RPS6KA2: variants seen among roughly 807,000 people sequenced by gnomAD.
The protein encoded by RPS6KA2 is ribosomal protein S6 kinase A2.
RPS6KA2 carries 42 observed loss-of-function variants against 91.8 expected under a neutral mutation model. The ratio of observed to expected loss-of-function variants is 0.46; its 90% CI spans 0.36 to 0.59. RPS6KA2 has a LOEUF of 0.59. Ranked by LOEUF, RPS6KA2 falls within the 20% of genes least tolerant of loss-of-function variation. The pLI, the probability that RPS6KA2 is intolerant of heterozygous loss-of-function variation, is 0.00. For synonymous variants in RPS6KA2, 414 were observed against 393.6 expected (o/e 1.05, Z -0.61); for missense variants, 798 against 978.5 (o/e 0.82, Z 2.46).
At chr6:166,717,981 T>C (rs1790061023) in intron 2 of RPS6KA2, among the ~76,000 whole-genome samples, 1 of 152,122 alleles carries the variant, frequency 6.6e-6, no homozygotes, top group Non-Finnish European at 1.5e-5. Flanking sequence ...CCCACGTAGC[T>C]GGGATTACAG....
chr6:166,695,732 A>C (rs1291797965), intron 2 of RPS6KA2, among the ~76,000 whole-genome samples: 2 of 151,976 alleles, frequency 1.3e-5, no homozygotes, highest in Non-Finnish European at 2.9e-5. Context: ...GGATTCTCAC[A>C]GGAGCACTGG....
At chr6:166,474,894 G>C (rs1047635386) in intron 10 of RPS6KA2, among the ~76,000 whole-genome samples, 1 of 152,224 alleles carries the variant, frequency 6.6e-6, no homozygotes, top group African/African-American at 2.4e-5. Flanking sequence ...ATGTCCTGCT[G>C]AGCCTGTTCC....
At chr6:166,509,812 G>A (rs1449104029) in intron 4 of RPS6KA2, among the ~76,000 whole-genome samples, 2 of 152,188 alleles carry the variant, frequency 1.3e-5, no homozygotes, top group East Asian at 3.8e-4. Context: ...CTCAGAACAT[G>A]AAAATAATAA....
chr6:166,527,110 C>A (rs1435452883), intron 3 of RPS6KA2, among the ~76,000 whole-genome samples: 6 of 152,180 alleles, frequency 3.9e-5, no homozygotes, highest in African/African-American at 1.4e-4. Context: ...CCAAGGTCAG[C>A]CCTGAGGGAG....
intron 2 of RPS6KA2, among the ~76,000 whole-genome samples, chr6:166,707,736 T>TTCTC (rs907156101): frequency 5.9e-5 from 9 of 151,452 alleles, no homozygotes; most frequent in Non-Finnish European, 1.3e-4. Context: ...CTTTCTTTCT[T>TTCTC]TCTCTCTCTC....
chr6:166,666,524 G>C lies in RPS6KA2; in HGVS notation c.124-127740C>G, dbSNP rs1034370619. Among the ~76,000 whole-genome samples, 8 of 152,178 alleles carry C rather than the reference G, an allele frequency of 5.3e-5. No homozygotes were observed. The highest frequency in any genetic ancestry group is 2.0e-4 in the Admixed American group (3 of 15,286). ...GCTCAACGCCAGTCACTAATCCTTA[G>C]GGAAATGCAAATCAACACCACAAGC... On this transcript the variant is annotated intron_variant, in intron 2 of 21. Coordinates refer to the RPS6KA2 transcript ENST00000503859. This position sits in a 1 kb window ranked among gnomAD's most constrained non-coding sequence, Gnocchi z 4.0.
At chr6:166,605,552 C>CA (rs1450743197) in intron 1 of RPS6KA2, among the ~76,000 whole-genome samples, 1 of 152,090 alleles carries the variant, frequency 6.6e-6, no homozygotes, top group Non-Finnish European at 1.5e-5. Context: ...CGTAAAATGC[C>CA]ATGTGACATT....
intron 2 of RPS6KA2, among the ~76,000 whole-genome samples, chr6:166,693,325 A>G (rs1018864294): frequency 6.6e-6 from 1 of 152,256 alleles, no homozygotes; most frequent in Non-Finnish European, 1.5e-5. Context: ...AACACGCGGA[A>G]GTGATTCTTG....
intron 2 of RPS6KA2, among the ~76,000 whole-genome samples, chr6:166,850,622 C>T (rs1248112585): frequency 1.3e-5 from 2 of 152,122 alleles, no homozygotes; most frequent in Non-Finnish European, 2.9e-5. Context: ...ACGCAGGTCC[C>T]GTGAGTTCCA....
chr6:166,562,946 AAGGACAGGCGCCCCGGC>A (rs1434317295), intron 1 of RPS6KA2, among the ~76,000 whole-genome samples: 1 of 152,236 alleles, frequency 6.6e-6, no homozygotes, highest in African/African-American at 2.4e-5. Flanking sequence ...GCAGGGGTAC[AAGGACAGGCGCCCCGGC>A]GGGACAGACT....
At chr6:166,636,238 TG>T (rs1450826119) in intron 2 of RPS6KA2, among the ~76,000 whole-genome samples, 5 of 151,346 alleles carry the variant, frequency 3.3e-5, no homozygotes, top group African/African-American at 1.2e-4. Flanking sequence ...CCTGGGCCCC[TG>T]TTCCAGCTCG....
intron 1 of RPS6KA2, among the ~76,000 whole-genome samples, chr6:166,555,257 G>A (rs867113875): frequency 2.0e-5 from 3 of 152,176 alleles, no homozygotes; most frequent in East Asian, 1.9e-4. Flanking sequence ...TCATCAGGCC[G>A]CACTCTGGCC....
chr6:166,810,126 C>T (rs1779592122), intron 2 of RPS6KA2, among the ~76,000 whole-genome samples: 1 of 152,162 alleles, frequency 6.6e-6, no homozygotes, highest in South Asian at 2.1e-4. Context: ...ATGCCAGATG[C>T]TTCTGAAAAC....
At chr6:166,691,001 T>C (rs1206971243) in intron 2 of RPS6KA2, among the ~76,000 whole-genome samples, 2 of 152,346 alleles carry the variant, frequency 1.3e-5, no homozygotes, top group African/African-American at 2.4e-5. Context: ...AACAGCATAA[T>C]AATCAACAGC....
intron 2 of RPS6KA2, among the ~76,000 whole-genome samples, chr6:166,750,630 AC>A (rs1479636312): frequency 6.6e-6 from 1 of 152,126 alleles, no homozygotes; most frequent in Non-Finnish European, 1.5e-5. Flanking sequence ...CGCAGGTGCC[AC>A]CCGAGCCCGA....
chr6:166,681,870 C>G (rs1484891958), intron 2 of RPS6KA2, among the ~76,000 whole-genome samples: 4 of 152,126 alleles, frequency 2.6e-5, no homozygotes, highest in Non-Finnish European at 5.9e-5. Flanking sequence ...AATGCCTTGT[C>G]CACCAGCAGC....
chr6:166,765,683 T>C (rs150006165), intron 2 of RPS6KA2, among the ~76,000 whole-genome samples: 2,049 of 152,246 alleles, frequency 0.013, 36 homozygotes, highest in Admixed American at 0.046. Context: ...AAGAAGAGAA[T>C]TCAAAGAGCA....
chr6:166,833,552 A>T (rs1780239415), intron 2 of RPS6KA2, among the ~76,000 whole-genome samples: 1 of 152,164 alleles, frequency 6.6e-6, no homozygotes, highest in Non-Finnish European at 1.5e-5. Context: ...TCCCTTTGTC[A>T]GTTTCCTCCG....
intron 2 of RPS6KA2, among the ~76,000 whole-genome samples, chr6:166,679,618 T>TCGG (rs1788722944): frequency 6.6e-6 from 1 of 152,234 alleles, no homozygotes; most frequent in Non-Finnish European, 1.5e-5. Flanking sequence ...TGGCTCGCTC[T>TCGG]CGGCACCTCC....
Sources: gnomAD v4.1 joint callset for allele counts (sites outside exome capture counted in the v4.1 genomes callset) on GRCh38, gnomAD v4.1.1 for gene constraint, Gnocchi (gnomAD v3.1) non-coding constraint, MANE v1.5 for transcripts, NCBI Gene and HGNC (gene_info 2026-07-23, HGNC 2026-07-21) for gene names.